DSC2: variants seen among roughly 807,000 people sequenced by gnomAD.
DSC2 encodes desmocollin 2.
Under a neutral mutation model 87.6 loss-of-function variants are expected in DSC2, and 51 were observed. The observed-to-expected ratio is 0.58, with a 90% CI of 0.46 to 0.74. The LOEUF (loss-of-function observed/expected upper bound fraction) is 0.74, where lower values mean the gene tolerates loss of function less well. DSC2 is among the 30% of genes least tolerant of loss of function. The pLI is 0.00. For missense variants in DSC2, 1,066 were observed against 1,089.5 expected, an observed-to-expected ratio of 0.98 and a Z score of 0.30; for synonymous variants, 383 against 393.2, an observed-to-expected ratio of 0.97 and a Z score of 0.31.
In DSC2 at chr18:31,082,233, CT is replaced by C; in HGVS notation, c.1263+4del. On this transcript the variant is annotated splice_donor_region_variant and intron_variant, in intron 9 of 15. Coordinates refer to ENST00000280904, the MANE Select transcript of DSC2 (RefSeq NM_024422.6). Reference sequence around the variant, plus strand: ...ACTACAAATAATGTTCTAATTTATTCTTACCTTAACTACACAAAGAACTCCT... The same window carrying C: ...ACTACAAATAATGTTCTAATTTATTCTACCTTAACTACACAAAGAACTCCT... The C allele has an allele frequency of 1.2e-6, 2 of 1,611,230 alleles. No individual in the cohort carries two copies. The highest frequency in any genetic ancestry group is 1.7e-6 in the Non-Finnish European group (2 of 1,178,392).
chr18:31,101,477 C>T (rs903569549), intron 1 of DSC2: 10 of 162,186 alleles, frequency 6.2e-5, no homozygotes, highest in Non-Finnish European at 1.1e-4. Flanking sequence ...CACAGGGAGC[C>T]GCACGTTCCC....
chr18:31,069,370 G>C (rs1230368141), intron 14 of DSC2, among the ~76,000 whole-genome samples: 1 of 152,064 alleles, frequency 6.6e-6, no homozygotes, highest in Admixed American at 6.6e-5. Flanking sequence ...CAAGTGGTTG[G>C]TACCTGGAGA....
intron 9 of DSC2, among the ~76,000 whole-genome samples, chr18:31,081,808 T>C (rs1326163020): frequency 6.6e-6 from 1 of 152,154 alleles, no homozygotes; most frequent in Non-Finnish European, 1.5e-5. Flanking sequence ...GCTAAGGATG[T>C]AATATATACT....
intron 11 of DSC2, among the ~76,000 whole-genome samples, chr18:31,077,905 C>T (rs188521381): frequency 3.1e-4 from 47 of 152,198 alleles, no homozygotes; most frequent in Admixed American, 2.9e-3. Context: ...GCTGCCCACA[C>T]AATTTAGATT....
chr18:31,075,796 G>A (rs1379641201), intron 11 of DSC2, among the ~76,000 whole-genome samples: 1 of 152,122 alleles, frequency 6.6e-6, no homozygotes, highest in African/African-American at 2.4e-5. Flanking sequence ...GTTGCAGTGA[G>A]CGGAGATCAC....
At chr18:31,101,518 C>G (rs1321512237) in intron 1 of DSC2, 7 of 206,904 alleles carry the variant, frequency 3.4e-5, no homozygotes, top group Non-Finnish European at 5.5e-5. Flanking sequence ...GCTGGACGGC[C>G]CCGGCGCACT....
chr18:31,075,895 C>G (rs1028607166), intron 11 of DSC2, among the ~76,000 whole-genome samples: 1 of 151,874 alleles, frequency 6.6e-6, no homozygotes, highest in Non-Finnish European at 1.5e-5. Context: ...AAGAAAGAAA[C>G]TTACAGGATG....
In DSC2 at chr18:31,063,195, G is replaced by A. The variant is rs1314452085; in HGVS notation, c.*4820C>T. The A allele has an allele frequency of 6.6e-6, 1 of 152,056 alleles. No homozygotes were observed. Among genetic ancestry groups the A allele is most frequent in the African/African-American group, 2.4e-5 (1 of 41,348 alleles). The allele number at this position is 152,056 out of a possible 1,614,324, so 9.4% of individuals were successfully genotyped here. On this transcript the variant is annotated 3_prime_UTR_variant, in exon 16 of 16. Transcript: ENST00000280904. ...AAAATACAAAAATTAACCAGGCGTG[G>A]TGGTAGGTGCCTGTAATCCCAGCTA... is the stretch of plus-strand genomic sequence containing the variant.
In DSC2 at chr18:31,074,790, A is replaced by G. The variant is rs915888072; in HGVS notation, c.1781T>C (p.Ile594Thr). 1.9e-6 allele frequency: 3 copies of G among 1,613,916 alleles called. No homozygotes were observed. Among genetic ancestry groups the G allele is most frequent in the Non-Finnish European group, 2.5e-6 (3 of 1,179,996 alleles). The change falls in exon 12 of 16, where the codon ATT (isoleucine) becomes ACT (threonine). Residue 594 changes from isoleucine to threonine, a missense_variant. Physicochemically the swap from Ile to Thr is moderately conservative, Grantham distance 89 (BLOSUM62 -1). Transcript: ENST00000280904. ...ICKPTMSSAEIVAVDPDEPIH... is the reference protein window; with the variant it reads ...ICKPTMSSAETVAVDPDEPIH... ...AGGCTCATCAGGATCAACCGCAACAATCTCCGCAGATGACATGGTGGGTTT... is the reference window on the plus strand; with the variant it reads ...AGGCTCATCAGGATCAACCGCAACAGTCTCCGCAGATGACATGGTGGGTTT...
Position 31,062,185 on chromosome 18 carries a change from T to C in DSC2, c.*5830A>G, listed in dbSNP as rs1463934494. 6.6e-6 allele frequency: 1 copy of C among 152,222 alleles called. No individual in the cohort carries two copies. Among genetic ancestry groups the C allele is most frequent in the African/African-American group, 2.4e-5 (1 of 41,458 alleles). The allele number at this position is 152,222 out of a possible 1,614,324, so 9.4% of individuals were successfully genotyped here. ...CACGGTGGTTTCCTGTTACAGAATG[T>C]TCTCCCAGCCTAACATGGAAAAAGC... On this transcript the variant is annotated 3_prime_UTR_variant, in exon 16 of 16. Coordinates refer to ENST00000280904, the MANE Select transcript of DSC2 (RefSeq NM_024422.6).
chr18:31,067,943 A>G lies in DSC2; in HGVS notation c.*72T>C. 1.4e-6 allele frequency: 2 copies of G among 1,459,154 alleles called. No homozygotes were observed. The highest frequency in any genetic ancestry group is 1.9e-6 in the Non-Finnish European group (2 of 1,051,812). 90.4% of individuals were successfully genotyped at this position (1,459,154 alleles called of 1,614,324 possible). On this transcript the variant is annotated 3_prime_UTR_variant, in exon 16 of 16. Coordinates refer to ENST00000280904, the MANE Select transcript of DSC2 (RefSeq NM_024422.6). ...CCCACAAATAGCATCTTCTGCTTTA[A>G]AAAATTCTTGGTTTGTAATTTTTTT...
chr18:31,073,690 G>T (rs1213427807), intron 12 of DSC2, among the ~76,000 whole-genome samples: 1 of 152,158 alleles, frequency 6.6e-6, no homozygotes, highest in Non-Finnish European at 1.5e-5. Flanking sequence ...ATGACATCAT[G>T]GTCCATAGGC....
chr18:31,086,670 G>T lies in DSC2; in HGVS notation c.848C>A (p.Ser283Tyr). Reference protein sequence around the residue: ...PDTMHTRLKYSIIGQVPPSPT... With the variant: ...PDTMHTRLKYYIIGQVPPSPT... Reference sequence around the variant, plus strand: ...TGATGGTGGCACCTGCCCAATGATGGAGTACTTCAGGCGTGTGTGCATCGT... The same window carrying T: ...TGATGGTGGCACCTGCCCAATGATGTAGTACTTCAGGCGTGTGTGCATCGT... Residue 283 changes from serine (S) to tyrosine (Y), a missense_variant, in exon 7 of 16, where the codon TCC becomes TAC. Ser to Tyr is a moderately radical substitution (Grantham distance 144). Transcript: ENST00000280904. 6.2e-7 allele frequency: 1 copy of T among 1,614,124 alleles called. No homozygotes were observed. The highest frequency in any genetic ancestry group is 8.5e-7 in the Non-Finnish European group (1 of 1,180,014).
chr18:31,086,735 A>C lies in DSC2; in HGVS notation c.783T>G (p.Thr261=). 2 of 1,614,036 alleles carry C rather than the reference A, an allele frequency of 1.2e-6. No individual in the cohort carries two copies. The highest frequency in any genetic ancestry group is 1.7e-4 in the Middle Eastern group (1 of 6,060). The change falls in exon 7 of 16, where the codon ACT becomes ACG. Residue 261 remains threonine (T), a synonymous_variant. Coordinates refer to ENST00000280904, the MANE Select transcript of DSC2 (RefSeq NM_024422.6). Reference sequence around the variant, plus strand: ...TGTCAGTAGCACACACTTGTCCCACAGTAGTGCCTAGAGAAGAAAAGTCCT... The same window carrying C: ...TGTCAGTAGCACACACTTGTCCCACCGTAGTGCCTAGAGAAGAAAAGTCCT... ...TIFENCRVGT[T]VGQVCATDKD... is the part of the protein sequence containing the mutation.
intron 14 of DSC2, among the ~76,000 whole-genome samples, chr18:31,069,629 C>A (rs1028319699): frequency 6.6e-6 from 1 of 151,438 alleles, no homozygotes; most frequent in African/African-American, 2.4e-5. Context: ...GCACAGGAAT[C>A]GCTTGAACCT....
chr18:31,074,403 AAGAG>A (rs895719869), intron 12 of DSC2, among the ~76,000 whole-genome samples: 1 of 147,098 alleles, frequency 6.8e-6, no homozygotes, highest in Non-Finnish European at 1.5e-5. Context: ...AAGAGAGAGA[AAGAG>A]AGAAAGAGAA....
At chr18:31,068,855 A>G in intron 15 of DSC2, 39 bp downstream of exon 15, 2 of 1,611,368 alleles carry the variant, frequency 1.2e-6, no homozygotes, top group African/African-American at 2.7e-5. Context: ...AGTTTAAAGA[A>G]AATTAAAATA....
intron 3 of DSC2, among the ~76,000 whole-genome samples, chr18:31,091,780 CAG>C (rs747029589): frequency 5.3e-5 from 8 of 152,146 alleles, no homozygotes; most frequent in African/African-American, 1.9e-4. Context: ...TTTCTTTATA[CAG>C]AGTTTCAAAA....
chr18:31,070,731 T>G lies in DSC2; in HGVS notation c.2245A>C (p.Lys749Gln), dbSNP rs765067237. 34 of 1,613,712 alleles carry G rather than the reference T, an allele frequency of 2.1e-5. No homozygotes were observed. Among genetic ancestry groups the G allele is most frequent in the African/African-American group, 1.9e-4 (14 of 74,930 alleles). ...TAAAAAGCCAGACTACTTACCACTT[T>G]GTCATCTCCAGGAGCTTCTGTGTTT... Reference protein sequence around the residue: ...VSNTEAPGDDKVYSANGFTTQ... With the variant: ...VSNTEAPGDDQVYSANGFTTQ... The change falls in exon 14 of 16, where the codon AAA (lysine) becomes CAA (glutamine). Residue 749 changes from lysine (K) to glutamine (Q), a missense_variant. Lys to Gln is a moderately conservative substitution (Grantham distance 53). Coordinates refer to ENST00000280904, the MANE Select transcript of DSC2 (RefSeq NM_024422.6).
Sources: gnomAD v4.1 joint callset for allele counts (sites outside exome capture counted in the v4.1 genomes callset) on GRCh38, gnomAD v4.1.1 for gene constraint, MANE v1.5 for transcripts, NCBI Gene and HGNC (gene_info 2026-07-23, HGNC 2026-07-21) for gene names.